The following TANC2 variants were observed in gnomAD, a reference collection of about 807,000 sequenced individuals.
TANC2 encodes protein TANC2.
In TANC2, 26 loss-of-function variants were observed where a neutral mutation model predicts 210.5. The observed-to-expected ratio is 0.12, with a 90% CI of 0.09 to 0.17. TANC2 has a LOEUF of 0.17. TANC2 is among the 10% of genes least tolerant of loss of function. TANC2 has a pLI of 1.00. For missense variants in TANC2, 2,129 were observed against 2,608.9 expected (o/e 0.82, Z 4.01); for synonymous variants, 931 against 967.1 (o/e 0.96, Z 0.69).
intron 7 of TANC2, among the ~76,000 whole-genome samples, chr17:63,236,859 G>T (rs1027197444): frequency 6.6e-6 from 1 of 152,128 alleles, no homozygotes; most frequent in Non-Finnish European, 1.5e-5. Context: ...ATTCCATTGT[G>T]TGTATATACC....
At chr17:63,055,965 CAAAAAAAAAA>C (rs869063496) in intron 2 of TANC2, among the ~76,000 whole-genome samples, 45 of 52,578 alleles carry the variant, frequency 8.6e-4, no homozygotes, top group African/African-American at 2.3e-3. Flanking sequence ...TCATCTCTAC[CAAAAAAAAAA>C]AAAAAAAAAA....
At chr17:63,050,796 G>A (rs913519045) in intron 2 of TANC2, among the ~76,000 whole-genome samples, 1 of 152,230 alleles carries the variant, frequency 6.6e-6, no homozygotes, top group African/African-American at 2.4e-5. Flanking sequence ...GGATTATCTG[G>A]AATGATAGGG....
chr17:63,172,216 A>T (rs1399816392), intron 5 of TANC2, among the ~76,000 whole-genome samples: 6 of 129,918 alleles, frequency 4.6e-5, no homozygotes, highest in Non-Finnish European at 3.2e-5. Flanking sequence ...TTTTAGATGG[A>T]GTTTCACTCT....
In TANC2 at chr17:63,178,988, A is replaced by G. The variant is rs541768313; in HGVS notation, c.434-15003A>G. ...TTTCAAATGTTGTAAAGTGTAAACCATCTCTGACTGGAGAATTGGCATCAT... is the reference window on the plus strand; with the variant it reads ...TTTCAAATGTTGTAAAGTGTAAACCGTCTCTGACTGGAGAATTGGCATCAT... On this transcript the variant is annotated intron_variant, in intron 5 of 27. Transcript: ENST00000689528. Among the ~76,000 whole-genome samples, 12 of 152,362 alleles carry G rather than the reference A, an allele frequency of 7.9e-5. No homozygotes were observed. The South Asian group carries it at 2.5e-3, about 32-fold the overall frequency.
At chr17:63,370,890 C>T (rs924226556) in intron 14 of TANC2, among the ~76,000 whole-genome samples, 1 of 152,186 alleles carries the variant, frequency 6.6e-6, no homozygotes, top group Middle Eastern at 3.2e-3. Context: ...CATAACCCCA[C>T]TTGAATGCGA....
At position 63,055,448 on chromosome 17, in the gene TANC2, C is replaced by A. The variant is rs777192042; in HGVS notation, c.68-18495C>A. 8.3e-4 allele frequency among the ~76,000 whole-genome samples: 126 copies of A among 151,948 alleles called. 1 individual carries two copies. Among genetic ancestry groups the A allele is most frequent in the Non-Finnish European group, 1.4e-3 (97 of 67,988 alleles). On this transcript the variant is annotated intron_variant, in intron 2 of 27. Transcript: ENST00000689528. ...TGATGTTTATCTGAAATCTAGGAAA[C>A]CCCAATTGAGATGGGCAGCTAGATC...
intron 13 of TANC2, among the ~76,000 whole-genome samples, chr17:63,351,864 C>G (rs1423078982): frequency 6.6e-6 from 1 of 152,102 alleles, no homozygotes; most frequent in African/African-American, 2.4e-5. Flanking sequence ...ATGGACTTTC[C>G]TCTATATCTG....
At chr17:63,193,608 TA>T (rs1454208689) in intron 5 of TANC2, among the ~76,000 whole-genome samples, 2 of 152,214 alleles carry the variant, frequency 1.3e-5, no homozygotes, top group African/African-American at 4.8e-5. Context: ...AAGATTTTTG[TA>T]AAGTCCTTTA....
intron 7 of TANC2, among the ~76,000 whole-genome samples, chr17:63,207,362 C>A (rs2041753736): frequency 1.3e-5 from 2 of 151,480 alleles, no homozygotes; most frequent in South Asian, 4.2e-4. Flanking sequence ...ACTACAGGCA[C>A]CCGCCACCAC....
chr17:63,374,571 G>A (rs1486092904), intron 14 of TANC2, among the ~76,000 whole-genome samples: 1 of 152,118 alleles, frequency 6.6e-6, no homozygotes, highest in Non-Finnish European at 1.5e-5. Flanking sequence ...GGGCACCAGG[G>A]AAGGCTTCAC....
rs2048815053 is a variant in TANC2 at position 63,414,980 on chromosome 17, G to T, written c.4021-548G>T. On this transcript the variant is annotated intron_variant, in intron 25 of 27. Transcript: ENST00000689528. The stretch of plus-strand genomic sequence containing the variant: ...CCTACTCCATGCCTTTCCAAAAATG[G>T]GGAACACTGATTGGTATTATTTTAT... 2.0e-5 allele frequency among the ~76,000 whole-genome samples: 3 copies of T among 152,282 alleles called. No individual in the cohort carries two copies. The South Asian group carries it at 6.2e-4, about 32-fold the overall frequency.
chr17:63,311,963 GA>G (rs1294427314), intron 9 of TANC2, among the ~76,000 whole-genome samples: 1 of 152,194 alleles, frequency 6.6e-6, no homozygotes, highest in Non-Finnish European at 1.5e-5. Context: ...ACAGCTAATA[GA>G]TACAGGATTT....
chr17:63,154,417 T>A (rs2039765926), intron 5 of TANC2: 1 of 152,152 alleles, frequency 6.6e-6, no homozygotes, highest in South Asian at 2.1e-4. Context: ...GATAGTCATA[T>A]TCTATTTTTA....
chr17:63,174,090 C>T (rs2040498064), intron 5 of TANC2, among the ~76,000 whole-genome samples: 1 of 152,224 alleles, frequency 6.6e-6, no homozygotes, highest in Admixed American at 6.5e-5. Flanking sequence ...GCCATGCTGT[C>T]ACTGCCAGTG....
intron 6 of TANC2, among the ~76,000 whole-genome samples, chr17:63,195,445 C>CT (rs931353698): frequency 6.6e-6 from 1 of 152,124 alleles, no homozygotes; most frequent in Non-Finnish European, 1.5e-5. Context: ...ATCGTAGACC[C>CT]TGTCTTCAAA....
In TANC2 at chr17:63,045,325, G is replaced by C. The variant is rs568591619; in HGVS notation, c.68-28618G>C. On this transcript the variant is annotated intron_variant, in intron 2 of 27. Coordinates refer to ENST00000689528, the Ensembl canonical transcript of TANC2. ...TCCTTAGCCTGTGACATTTATAACA[G>C]GTATCTTCTGTCAGTCTGTACACTG... Among the ~76,000 whole-genome samples the C allele has an allele frequency of 5.9e-5, 9 of 152,246 alleles. No individual in the cohort carries two copies. The East Asian group carries it at 1.7e-3, about 29-fold the overall frequency.
At chr17:63,094,614 A>G (rs905016855) in intron 3 of TANC2, among the ~76,000 whole-genome samples, 2 of 152,130 alleles carry the variant, frequency 1.3e-5, no homozygotes, top group Non-Finnish European at 2.9e-5. Context: ...TAGAATATGT[A>G]TTGTCTTCAA....
intron 4 of TANC2, chr17:63,149,310 C>G (rs1444466249): frequency 6.6e-6 from 1 of 152,040 alleles, no homozygotes; most frequent in African/African-American, 2.4e-5. Flanking sequence ...TCTCTAGAAC[C>G]CTGATCTTTT....
chr17:63,395,733 C>T lies in TANC2; in HGVS notation c.3052-10C>T, dbSNP rs759496156. ...TGTGTTCACACATATCTCCTGTCCT[C>T]TCCTCTTAGGTGGATCATTTGGATA... is the stretch of plus-strand genomic sequence containing the variant. On this transcript the variant is annotated splice_polypyrimidine_tract_variant and intron_variant, in intron 17 of 27. Coordinates refer to ENST00000689528, the Ensembl canonical transcript of TANC2. The T allele has an allele frequency of 6.2e-7, 1 of 1,612,400 alleles. No individual in the cohort carries two copies.
Sources: gnomAD v4.1 joint callset for allele counts (sites outside exome capture counted in the v4.1 genomes callset) on GRCh38, gnomAD v4.1.1 for gene constraint, MANE v1.5 for transcripts, NCBI Gene and HGNC (gene_info 2026-07-23, HGNC 2026-07-21) for gene names.